Variants in DSCAM observed in about 807,000 individuals in gnomAD.
The protein encoded by DSCAM is DS cell adhesion molecule.
DSCAM carries 47 observed loss-of-function variants against 217.7 expected under a neutral mutation model. That is an observed-to-expected ratio of 0.22 (90% CI 0.17 to 0.28). The LOEUF is 0.28. DSCAM is among the 10% of genes least tolerant of loss of function. DSCAM has a pLI of 1.00. For synonymous variants in DSCAM, 1,056 were observed against 1,015.3 expected, an observed-to-expected ratio of 1.04 and a Z score of -0.76; for missense variants, 2,080 against 2,618.3, an observed-to-expected ratio of 0.79 and a Z score of 4.49.
At chr21:40,055,338 G>A (rs191872038) in intron 29 of DSCAM, among the ~76,000 whole-genome samples, 2 of 152,222 alleles carry the variant, frequency 1.3e-5, no homozygotes, top group East Asian at 3.9e-4. Flanking sequence ...GATGAGGGGG[G>A]CACGGAGTGG....
chr21:40,063,499 C>T (rs2146521451), intron 27 of DSCAM, among the ~76,000 whole-genome samples: 1 of 152,052 alleles, frequency 6.6e-6, no homozygotes, highest in African/African-American at 2.4e-5. Flanking sequence ...AAAAAAAATC[C>T]CTTTTTTTGG....
Position 40,247,819 on chromosome 21 carries a change from C to T in DSCAM, c.2356+28278G>A, listed in dbSNP as rs147352627. On this transcript the variant is annotated intron_variant, in intron 11 of 32. Coordinates refer to ENST00000400454, the MANE Select transcript of DSCAM (RefSeq NM_001389.5). ...ACTCTGTGTGGGGCCTCTGACCCCA[C>T]ATTTCCCTTTGACACTGCCCTAGCA... is the stretch of plus-strand genomic sequence containing the variant. Among the ~76,000 whole-genome samples, 880 of 152,368 alleles carry T rather than the reference C, an allele frequency of 5.8e-3. 11 individuals are homozygous for T. The highest frequency in any genetic ancestry group is 0.02 in the African/African-American group (844 of 41,584).
intron 3 of DSCAM, among the ~76,000 whole-genome samples, chr21:40,610,771 G>A (rs1313139959): frequency 1.3e-5 from 2 of 152,200 alleles, no homozygotes; most frequent in Non-Finnish European, 2.9e-5. Context: ...TTAAAAAGAT[G>A]AGACCTATGC....
At chr21:40,182,577 C>CCG (rs2090821971) in intron 14 of DSCAM, among the ~76,000 whole-genome samples, 1 of 147,488 alleles carries the variant, frequency 6.8e-6, no homozygotes, top group African/African-American at 2.5e-5. Flanking sequence ...ACCAGAGAAA[C>CCG]TGTGGACAGG....
At chr21:40,147,252 A>G (rs2090367995) in intron 16 of DSCAM, among the ~76,000 whole-genome samples, 1 of 152,188 alleles carries the variant, frequency 6.6e-6, no homozygotes, top group Non-Finnish European at 1.5e-5. Flanking sequence ...CCACCAATTT[A>G]GCTAAATCCT....
At chr21:40,756,249 C>T (rs1409824073) in intron 1 of DSCAM, among the ~76,000 whole-genome samples, 1 of 152,312 alleles carries the variant, frequency 6.6e-6, no homozygotes, top group South Asian at 2.1e-4. Flanking sequence ...GCCATAGGAG[C>T]TGCCTGCTCC....
chr21:40,573,263 G>C (rs553298945), intron 3 of DSCAM, among the ~76,000 whole-genome samples: 1 of 152,016 alleles, frequency 6.6e-6, no homozygotes, highest in Non-Finnish European at 1.5e-5. Context: ...GCGTGAACCC[G>C]GGAGGTGGAG....
At chr21:40,486,947 G>A (rs2076033382) in intron 3 of DSCAM, among the ~76,000 whole-genome samples, 1 of 151,984 alleles carries the variant, frequency 6.6e-6, no homozygotes, top group South Asian at 2.1e-4. Flanking sequence ...CTGCTGGCAT[G>A]GGGTCATCAG....
At chr21:40,726,111 A>C (rs2090953442) in intron 1 of DSCAM, among the ~76,000 whole-genome samples, 1 of 152,176 alleles carries the variant, frequency 6.6e-6, no homozygotes. Context: ...AGGCTCCTGG[A>C]GAGATGTTTC....
intron 3 of DSCAM, among the ~76,000 whole-genome samples, chr21:40,673,065 T>C (rs1484555705): frequency 1.3e-5 from 2 of 152,210 alleles, no homozygotes. Context: ...GCCCTTCATA[T>C]GCAGGCTGGC....
At chr21:40,495,517 T>A (rs928202019) in intron 3 of DSCAM, among the ~76,000 whole-genome samples, 2 of 152,126 alleles carry the variant, frequency 1.3e-5, no homozygotes, top group African/African-American at 2.4e-5. Context: ...AAATTAGGTA[T>A]AGAAAGAATG....
At chr21:40,387,903 A>G (rs2075101249) in intron 3 of DSCAM, among the ~76,000 whole-genome samples, 1 of 152,244 alleles carries the variant, frequency 6.6e-6, no homozygotes. Context: ...ATAAATATTT[A>G]TATTAGACAC....
At chr21:40,576,076 TA>T (rs1402628907) in intron 3 of DSCAM, among the ~76,000 whole-genome samples, 1 of 126,006 alleles carries the variant, frequency 7.9e-6, no homozygotes, top group Non-Finnish European at 1.7e-5. Context: ...TTTATAAAGT[TA>T]AACATGCCAT....
intron 1 of DSCAM, among the ~76,000 whole-genome samples, chr21:40,831,126 C>T (rs1337155327): frequency 2.6e-5 from 4 of 152,186 alleles, no homozygotes; most frequent in Non-Finnish European, 5.9e-5. Flanking sequence ...AGCCAGCAGC[C>T]GAGGGAAGCT....
rs908349814 is a variant in DSCAM at position 40,016,613 on chromosome 21, C to T, written c.5687-3227G>A. Among the ~76,000 whole-genome samples, 2 of 152,192 alleles carry T rather than the reference C, an allele frequency of 1.3e-5. No individual in the cohort carries two copies. The highest frequency in any genetic ancestry group is 2.4e-5 in the African/African-American group (1 of 41,448). ...TGCTAACAATAATTAATTGAGCCTT[C>T]CTCATCCAGCCCCTTTGGACCCATA... On this transcript the variant is annotated intron_variant, in intron 32 of 32. Transcript: ENST00000400454. This position sits in a 1 kb window ranked among gnomAD's most constrained non-coding sequence, Gnocchi z 4.3.
intron 3 of DSCAM, among the ~76,000 whole-genome samples, chr21:40,472,908 C>G (rs142160587): frequency 7.3e-4 from 111 of 152,194 alleles, no homozygotes; most frequent in Non-Finnish European, 6.8e-4. Flanking sequence ...GGGTGTTTGG[C>G]CATGCTGATG....
intron 3 of DSCAM, among the ~76,000 whole-genome samples, chr21:40,447,354 C>T (rs2837632): frequency 0.2 from 30,703 of 152,106 alleles, 3,788 homozygotes; most frequent in African/African-American, 0.33. Context: ...GTAAAGACCA[C>T]GAACAAACTA....
intron 9 of DSCAM, among the ~76,000 whole-genome samples, chr21:40,302,030 C>T (rs1395002845): frequency 6.6e-6 from 1 of 152,182 alleles, no homozygotes; most frequent in Admixed American, 6.5e-5. Flanking sequence ...AAAAAGACCA[C>T]CAGTACTCTA....
chr21:40,236,172 T>C (rs764619299), intron 11 of DSCAM, among the ~76,000 whole-genome samples: 5 of 152,230 alleles, frequency 3.3e-5, no homozygotes, highest in Admixed American at 6.5e-5. Context: ...GCCTGCATTC[T>C]AGAAACTGCT....
Sources: allele counts gnomAD v4.1 joint callset (sites outside exome capture counted in the v4.1 genomes callset), GRCh38; gene constraint gnomAD v4.1.1; non-coding constraint Gnocchi (gnomAD v3.1); transcripts MANE v1.5; gene names NCBI Gene and HGNC (gene_info 2026-07-23, HGNC 2026-07-21).